AHCTF1: variants seen among roughly 807,000 people sequenced by gnomAD.
AHCTF1 encodes protein ELYS.
Under a neutral mutation model 248.4 loss-of-function variants are expected in AHCTF1, and 24 were observed. The observed-to-expected ratio is 0.10, with a 90% CI of 0.07 to 0.14. The LOEUF is 0.14. AHCTF1 is among the 10% of genes least tolerant of loss of function. AHCTF1 has a pLI of 1.00. For synonymous variants in AHCTF1, 786 were observed against 929.8 expected, an observed-to-expected ratio of 0.85 and a Z score of 2.81; for missense variants, 2,206 against 2,636.2, an observed-to-expected ratio of 0.84 and a Z score of 3.57.
intron 6 of AHCTF1, 76 bp from the exon 7 acceptor site, chr1:246,904,109 T>C: frequency 2.3e-6 from 3 of 1,326,176 alleles, no homozygotes; most frequent in Non-Finnish European, 3.2e-6. Flanking sequence ...GTAAGTTTAG[T>C]TTGCTTGCAA....
intron 35 of AHCTF1, among the ~76,000 whole-genome samples, chr1:246,841,656 C>G (rs1659875326): frequency 6.6e-6 from 1 of 152,206 alleles, no homozygotes; most frequent in Non-Finnish European, 1.5e-5. Flanking sequence ...TTGTTTTTTA[C>G]TAATAGTTAC....
At chr1:246,897,170 G>A (rs1373050678) in intron 12 of AHCTF1, among the ~76,000 whole-genome samples, 1 of 151,932 alleles carries the variant, frequency 6.6e-6, no homozygotes, top group Non-Finnish European at 1.5e-5. Flanking sequence ...AAAATTAGCC[G>A]GGTGTGGTGG....
intron 24 of AHCTF1, among the ~76,000 whole-genome samples, chr1:246,868,515 A>T (rs1003740795): frequency 3.3e-5 from 5 of 151,896 alleles, no homozygotes; most frequent in Admixed American, 3.3e-4. Context: ...TCGGCCTCTC[A>T]AAGTGCTGGG....
Position 246,864,089 on chromosome 1 carries a change from G to A in AHCTF1, c.3375C>T (p.Val1125=). Residue 1125 remains valine (V), a synonymous_variant, in exon 27 of 36, where the codon GTC becomes GTT. Transcript: ENST00000648844. ...ACTCCGAACACTGAGAAGGCCGGGG[G>A]ACAGGCTGAACAACCAAATCTAGCA... is the stretch of plus-strand genomic sequence containing the variant. ...SRLLDLVVQP[V]PRPSQCSEFI... 1 of 1,614,054 alleles carries A rather than the reference G, an allele frequency of 6.2e-7. No individual in the cohort carries two copies.
intron 10 of AHCTF1, 107 bp from the exon 11 acceptor site, chr1:246,899,619 C>A (rs1324403785): frequency 1.1e-5 from 8 of 728,496 alleles, no homozygotes; most frequent in Non-Finnish European, 1.5e-5. Context: ...CAAATTATTA[C>A]ATGTAATAAA....
At chr1:246,862,662 TC>T (rs1661656034) in intron 27 of AHCTF1, among the ~76,000 whole-genome samples, 3 of 152,190 alleles carry the variant, frequency 2.0e-5, no homozygotes, top group African/African-American at 7.2e-5. Flanking sequence ...TAAAACTGCA[TC>T]CATCTTTCTA....
Position 246,851,126 on chromosome 1 carries a change from A to G in AHCTF1, c.4880T>C (p.Val1627Ala), listed in dbSNP as rs762509252. 1 of 1,613,944 alleles carries G rather than the reference A, an allele frequency of 6.2e-7. No homozygotes were observed. The highest frequency in any genetic ancestry group is 1.1e-5 in the South Asian group (1 of 91,076). Residue 1627 changes from valine to alanine, a missense_variant, in exon 33 of 36, where the codon GTA becomes GCA. This residue lies in a region of AHCTF1 where 955 missense variants were observed against 1,055.6 expected (regional missense o/e 0.90). Coordinates refer to ENST00000648844, the MANE Select transcript of AHCTF1 (RefSeq NM_001323342.2). ...ATGATTATCATTTTCCCCACTGCATACAAGTTTTTCTTCAGTTGCTGTGTT... is the reference window on the plus strand; with the variant it reads ...ATGATTATCATTTTCCCCACTGCATGCAAGTTTTTCTTCAGTTGCTGTGTT... ...AANTATEEKL[V>A]CSGENDNHGQ...
At position 246,863,973 on chromosome 1, in the gene AHCTF1, A is replaced by G. The variant is rs1405532198; in HGVS notation, c.3491T>C (p.Ile1164Thr). The change falls in exon 27 of 36, where the codon ATC (isoleucine) becomes ACC (threonine). Residue 1164 changes from isoleucine to threonine, a missense_variant. By Grantham distance (89) the Ile-to-Thr change is moderately conservative. Transcript: ENST00000648844. ...CAAATGTAATTCTGAAGCCCTGGAGATGGCCTGAGGCGATCCTTTTAATTG... is the reference window on the plus strand; with the variant it reads ...CAAATGTAATTCTGAAGCCCTGGAGGTGGCCTGAGGCGATCCTTTTAATTG... Reference protein sequence around the residue: ...SSQLKGSPQAISRASELHLLE... With the variant: ...SSQLKGSPQATSRASELHLLE... The G allele has an allele frequency of 1.9e-6, 3 of 1,614,140 alleles. No homozygotes were observed. The highest frequency in any genetic ancestry group is 2.5e-6 in the Non-Finnish European group (3 of 1,179,992).
chr1:246,897,485 G>A (rs889672803), intron 12 of AHCTF1, among the ~76,000 whole-genome samples: 13 of 152,094 alleles, frequency 8.5e-5, no homozygotes, highest in Non-Finnish European at 1.5e-4. Flanking sequence ...TGAATGTTTC[G>A]TTAGGTGTTT....
intron 12 of AHCTF1, among the ~76,000 whole-genome samples, chr1:246,897,397 A>G (rs1467144870): frequency 6.6e-6 from 1 of 152,206 alleles, no homozygotes; most frequent in Non-Finnish European, 1.5e-5. Context: ...AGTTATGTAG[A>G]TATCAAATAA....
intron 21 of AHCTF1, among the ~76,000 whole-genome samples, chr1:246,883,274 T>C (rs1663586132): frequency 6.6e-6 from 1 of 152,198 alleles, no homozygotes; most frequent in Admixed American, 6.5e-5. Context: ...TCTCGGACTT[T>C]TAGTTCAAAT....
intron 26 of AHCTF1, chr1:246,865,256 T>C (rs1159718218): frequency 6.6e-6 from 1 of 152,164 alleles, no homozygotes; most frequent in South Asian, 2.1e-4. Flanking sequence ...GTGGCTCACC[T>C]GAGAATAACC....
chr1:246,892,301 CTTTTTTTTTTTTTT>C (rs74163502), intron 14 of AHCTF1, among the ~76,000 whole-genome samples: 44 of 64,972 alleles, frequency 6.8e-4, no homozygotes, highest in Admixed American at 1.2e-3. Context: ...ATTTGTTTTA[CTTTTTTTTTTTTTT>C]TTTTTTTTTT....
At chr1:246,911,633 G>A (rs914937694) in intron 4 of AHCTF1, among the ~76,000 whole-genome samples, 6 of 151,650 alleles carry the variant, frequency 4.0e-5, no homozygotes, top group Non-Finnish European at 5.9e-5. Context: ...AGAGGCATGC[G>A]CCACCACACC....
chr1:246,920,142 C>CAAAAAAAAA (rs68194249), intron 1 of AHCTF1, among the ~76,000 whole-genome samples: 37 of 40,800 alleles, frequency 9.1e-4, no homozygotes, highest in Non-Finnish European at 1.1e-3. Flanking sequence ...CTGTCCCCCG[C>CAAAAAAAAA]AAAAAAAAAA....
chr1:246,931,453 G>A (rs889585149), intron 1 of AHCTF1, 125 bp downstream of exon 1: 86 of 1,138,396 alleles, frequency 7.6e-5, no homozygotes, highest in Non-Finnish European at 8.3e-5. Context: ...GCCCGGCCTA[G>A]GCCCGGCGCT....
intron 21 of AHCTF1, among the ~76,000 whole-genome samples, chr1:246,881,999 T>A (rs1189104295): frequency 7.3e-6 from 1 of 136,062 alleles, no homozygotes; most frequent in Non-Finnish European, 1.6e-5. Flanking sequence ...ATTACTTTTT[T>A]TTTTGTTTTT....
chr1:246,847,104 T>C (rs375932948), intron 33 of AHCTF1, among the ~76,000 whole-genome samples: 2 of 152,048 alleles, frequency 1.3e-5, no homozygotes, highest in East Asian at 3.9e-4. Context: ...TTGGCCAACA[T>C]GGCGAAACCC....
chr1:246,903,295 G>A (rs1181088888), intron 7 of AHCTF1, among the ~76,000 whole-genome samples: 3 of 152,116 alleles, frequency 2.0e-5, no homozygotes, highest in East Asian at 1.9e-4. Flanking sequence ...GCCCAGACGC[G>A]TATGTCCTCT....
Sources: allele counts gnomAD v4.1 joint callset (sites outside exome capture counted in the v4.1 genomes callset), GRCh38; gene constraint gnomAD v4.1.1; regional missense constraint gnomAD v4.1.1; transcripts MANE v1.5; gene names NCBI Gene and HGNC (gene_info 2026-07-23, HGNC 2026-07-21).